GLP2R: variants seen among roughly 807,000 people sequenced by gnomAD.
GLP2R encodes the protein glucagon-like peptide 2 receptor.
Under a neutral mutation model 68.2 loss-of-function variants are expected in GLP2R, and 59 were observed. The ratio of observed to expected loss-of-function variants is 0.87; its 90% CI spans 0.70 to 1.07. The LOEUF (loss-of-function observed/expected upper bound fraction) is 1.07. Among genes scored for constraint, GLP2R ranks in the 50% least tolerant of loss-of-function variants. The pLI is 0.00. For synonymous variants in GLP2R, 270 were observed against 265.4 expected (o/e 1.02, Z -0.17); for missense variants, 548 against 677.4 (o/e 0.81, Z 2.12).
chr17:9,841,214 G>A (rs1398801901), intron 3 of GLP2R, among the ~76,000 whole-genome samples: 3 of 149,566 alleles, frequency 2.0e-5, no homozygotes, highest in Non-Finnish European at 3.0e-5. Flanking sequence ...TTTTAGTAGA[G>A]ACAGGGTTTC....
intron 11 of GLP2R, among the ~76,000 whole-genome samples, chr17:9,882,991 C>CAAAAAAAAAAAAAA (rs3073990): frequency 1.6e-5 from 2 of 126,108 alleles, no homozygotes; most frequent in Admixed American, 8.0e-5. Flanking sequence ...ATACTCAGGA[C>CAAAAAAAAAAAAAA]AAAAAAAAAA....
rs559752848 is a variant in GLP2R at position 9,892,056 on chromosome 17, C to T, written c.*2351C>T. ...CCACAAATGGGGTGATCAACACTTA[C>T]TGCTTGCTCTTGTTCTGCTAATGAT... is the stretch of plus-strand genomic sequence containing the variant. On this transcript the variant is annotated 3_prime_UTR_variant, in exon 13 of 13. Transcript: ENST00000262441. 1 of 152,376 alleles carries T rather than the reference C, an allele frequency of 6.6e-6. No homozygotes were observed. Among genetic ancestry groups the T allele is most frequent in the Non-Finnish European group, 1.5e-5 (1 of 68,040 alleles). 9.4% of individuals were successfully genotyped at this position (152,376 alleles called of 1,614,324 possible).
chr17:9,852,067 T>G (rs1186228555), intron 4 of GLP2R, among the ~76,000 whole-genome samples: 2 of 151,962 alleles, frequency 1.3e-5, no homozygotes, highest in African/African-American at 4.8e-5. Context: ...TTTGTTTTTT[T>G]TTTTACTTTA....
chr17:9,862,189 T>G, intron 9 of GLP2R, 99 bp downstream of exon 9: 1 of 838,888 alleles, frequency 1.2e-6, no homozygotes, highest in Non-Finnish European at 2.0e-6. Flanking sequence ...CTCTGATCCC[T>G]TGAGAGAGAG....
Position 9,890,173 on chromosome 17 carries a change from C to A in GLP2R, c.*468C>A. ...AGATTCTAAGACAGTGAGTCTGGGACCATGGCCAGGAATTGGAGCTGTTTA... is the reference window on the plus strand; with the variant it reads ...AGATTCTAAGACAGTGAGTCTGGGAACATGGCCAGGAATTGGAGCTGTTTA... On this transcript the variant is annotated 3_prime_UTR_variant, in exon 13 of 13. Coordinates refer to ENST00000262441, the MANE Select transcript of GLP2R (RefSeq NM_004246.3). 1 of 402,102 alleles carries A rather than the reference C, an allele frequency of 2.5e-6. No homozygotes were observed. The highest frequency in any genetic ancestry group is 4.9e-6 in the Non-Finnish European group (1 of 204,468). 24.9% of individuals were successfully genotyped at this position (402,102 alleles called of 1,614,324 possible).
At chr17:9,838,949 C>T (rs1385935635) in intron 3 of GLP2R, among the ~76,000 whole-genome samples, 2 of 152,152 alleles carry the variant, frequency 1.3e-5, no homozygotes, top group South Asian at 2.1e-4. Context: ...GGAGGCGGAG[C>T]CTGCAGTGAG....
At chr17:9,865,821 T>C (rs1176842993) in intron 9 of GLP2R, 1 of 471,214 alleles carries the variant, frequency 2.1e-6, no homozygotes, top group East Asian at 6.9e-5. Flanking sequence ...ACTATTGTTG[T>C]CTGTGTCTAC....
At chr17:9,849,682 G>A (rs1325853209) in intron 4 of GLP2R, among the ~76,000 whole-genome samples, 4 of 132,412 alleles carry the variant, frequency 3.0e-5, no homozygotes, top group Non-Finnish European at 4.6e-5. Flanking sequence ...GCGTGATCTC[G>A]GCTCACTGCC....
intron 10 of GLP2R, among the ~76,000 whole-genome samples, chr17:9,879,443 G>A (rs927294870): frequency 2.0e-5 from 3 of 152,122 alleles, no homozygotes; most frequent in Non-Finnish European, 4.4e-5. Flanking sequence ...GCTGCAGTGA[G>A]CTAGAATCGT....
intron 6 of GLP2R, among the ~76,000 whole-genome samples, chr17:9,858,937 T>C (rs1307020071): frequency 1.3e-5 from 2 of 152,202 alleles, no homozygotes; most frequent in Non-Finnish European, 2.9e-5. Flanking sequence ...GCATTGTTGA[T>C]TATCTTTATC....
intron 10 of GLP2R, among the ~76,000 whole-genome samples, chr17:9,871,492 C>A (rs2067092263): frequency 6.6e-6 from 1 of 152,066 alleles, no homozygotes; most frequent in South Asian, 2.1e-4. Flanking sequence ...AGAAATGAGA[C>A]CACAAACTTT....
chr17:9,879,016 A>G (rs1033160109), intron 10 of GLP2R, among the ~76,000 whole-genome samples: 1 of 152,068 alleles, frequency 6.6e-6, no homozygotes, highest in African/African-American at 2.4e-5. Flanking sequence ...AATATGAGTC[A>G]TCTCTGCTAA....
chr17:9,880,254 A>G, intron 10 of GLP2R, 124 bp from the exon 11 acceptor site: 2 of 656,766 alleles, frequency 3.0e-6, no homozygotes, highest in Non-Finnish European at 5.4e-6. Flanking sequence ...GTAGTGAAGG[A>G]GACCATCTGG....
intron 11 of GLP2R, among the ~76,000 whole-genome samples, chr17:9,880,976 A>T (rs2067189732): frequency 6.6e-6 from 1 of 152,172 alleles, no homozygotes; most frequent in South Asian, 2.1e-4. Flanking sequence ...GAAACTAGGA[A>T]CAAGAGGCTA....
chr17:9,832,732 T>C (rs1228260779), intron 1 of GLP2R, among the ~76,000 whole-genome samples: 1 of 151,440 alleles, frequency 6.6e-6, no homozygotes, highest in Non-Finnish European at 1.5e-5. Context: ...AGAACTTGTC[T>C]CAAAAAAGTA....
In GLP2R at chr17:9,854,353, G is replaced by A. The variant is rs147164203; in HGVS notation, c.505-142G>A. On this transcript the variant is annotated intron_variant, in intron 4 of 12. Coordinates refer to ENST00000262441, the MANE Select transcript of GLP2R (RefSeq NM_004246.3). Reference sequence around the variant, plus strand: ...GCAATCTAAACTACCCTATTTGGGTGTCAACAAGGATGGGGAAGGAAACAT... The same window carrying A: ...GCAATCTAAACTACCCTATTTGGGTATCAACAAGGATGGGGAAGGAAACAT... 1.6e-4 allele frequency: 107 copies of A among 674,788 alleles called. No individual in the cohort carries two copies. In the African/African-American group the frequency reaches 1.6e-3, roughly 10 times the overall value. The allele number at this position is 674,788 out of a possible 1,614,324, so 41.8% of individuals were successfully genotyped here.
intron 4 of GLP2R, among the ~76,000 whole-genome samples, chr17:9,850,950 C>T (rs1376133284): frequency 6.6e-6 from 1 of 152,128 alleles, no homozygotes; most frequent in African/African-American, 2.4e-5. Context: ...GCCTGGGCCT[C>T]CCAAAGTGCT....
chr17:9,826,182 A>C lies in GLP2R; in HGVS notation c.119A>C (p.His40Pro). 6.2e-7 allele frequency: 1 copy of C among 1,613,370 alleles called. No homozygotes were observed. Among genetic ancestry groups the C allele is most frequent in the Non-Finnish European group, 8.5e-7 (1 of 1,179,750 alleles). Residue 40 changes from histidine (H) to proline (P), a missense_variant, in exon 1 of 13, where the codon CAC becomes CCC. His to Pro is a moderately conservative substitution (Grantham distance 77, BLOSUM62 -2). Transcript: ENST00000262441. ...TGGGGGACCAGTCCTCTCTCCTTCCACAGGAAGTGCTCTCTCTGGGCCCCT... is the reference window on the plus strand; with the variant it reads ...TGGGGGACCAGTCCTCTCTCCTTCCCCAGGAAGTGCTCTCTCTGGGCCCCT... ...APWGTSPLSF[H>P]RKCSLWAPGR...
At chr17:9,833,156 G>A (rs986464442) in intron 1 of GLP2R, among the ~76,000 whole-genome samples, 4 of 151,462 alleles carry the variant, frequency 2.6e-5, no homozygotes, top group East Asian at 1.9e-4. Flanking sequence ...CCAGCTACTC[G>A]GGGAGGCTGA....
Sources: gnomAD v4.1 joint callset for allele counts (sites outside exome capture counted in the v4.1 genomes callset) on GRCh38, gnomAD v4.1.1 for gene constraint, MANE v1.5 for transcripts, NCBI Gene and HGNC (gene_info 2026-07-23, HGNC 2026-07-21) for gene names.